KIF16B: variants seen among roughly 807,000 people sequenced by gnomAD.
KIF16B encodes the protein kinesin-like protein KIF16B.
A neutral mutation model predicts 156.3 loss-of-function variants in KIF16B; 98 were observed. The observed-to-expected ratio is 0.63, with a 90% CI of 0.53 to 0.74. The LOEUF (loss-of-function observed/expected upper bound fraction) is 0.74, where lower values mean the gene tolerates loss of function less well. Among genes scored for constraint, KIF16B ranks in the 30% least tolerant of loss-of-function variants. KIF16B has a pLI of 0.00. For synonymous variants in KIF16B, 564 were observed against 583.7 expected (o/e 0.97, Z 0.49); for missense variants, 1,421 against 1,606.5 (o/e 0.88, Z 1.97).
chr20:16,312,573 T>G (rs959953201), intron 24 of KIF16B, among the ~76,000 whole-genome samples, 155 bp from the exon 25 acceptor site: 1 of 152,202 alleles, frequency 6.6e-6, no homozygotes, highest in Non-Finnish European at 1.5e-5. Context: ...TCACCAACTG[T>G]GTGACCTTCA....
intron 1 of KIF16B, among the ~76,000 whole-genome samples, chr20:16,536,239 A>G (rs574947346): frequency 1.3e-5 from 2 of 152,332 alleles, no homozygotes; most frequent in South Asian, 4.1e-4. Flanking sequence ...AGCCAGGCAC[A>G]GAAAGGTAAG....
intron 12 of KIF16B, among the ~76,000 whole-genome samples, chr20:16,430,757 T>A (rs2066475410): frequency 1.3e-5 from 2 of 151,952 alleles, no homozygotes; most frequent in Non-Finnish European, 2.9e-5. Context: ...TAGATGCTGA[T>A]GACTCTCAAA....
At chr20:16,288,713 TTAGTAAACA>T in intron 25 of KIF16B, among the ~76,000 whole-genome samples, 1 of 151,414 alleles carries the variant, frequency 6.6e-6, no homozygotes. Flanking sequence ...GGTATGTACC[TTAGTAAACA>T]CAGTATGTAC....
chr20:16,452,931 G>C (rs1405356853), intron 12 of KIF16B, among the ~76,000 whole-genome samples: 3 of 151,940 alleles, frequency 2.0e-5, no homozygotes, highest in Admixed American at 1.3e-4. Flanking sequence ...TTTCAAAACA[G>C]TAAGTAAAGA....
In KIF16B at chr20:16,273,122, G is replaced by T; in HGVS notation, c.*131C>A. The T allele has an allele frequency of 1.3e-6, 1 of 758,096 alleles. No homozygotes were observed. The allele number at this position is 758,096 out of a possible 1,614,324, so 47.0% of individuals were successfully genotyped here. The stretch of plus-strand genomic sequence containing the variant: ...AGGTATGGAAACGTGAGGTGGCCCG[G>T]GCCCGCTGCTGCATGTCTGTCTTCA... On this transcript the variant is annotated 3_prime_UTR_variant, in exon 26 of 26. Coordinates refer to ENST00000354981, the MANE Select transcript of KIF16B (RefSeq NM_024704.5).
intron 23 of KIF16B, among the ~76,000 whole-genome samples, chr20:16,351,770 C>A (rs1423025572): frequency 6.6e-6 from 1 of 152,202 alleles, no homozygotes; most frequent in Non-Finnish European, 1.5e-5. Flanking sequence ...GGAATTGATA[C>A]TCTGACCCAG....
At chr20:16,466,485 C>T (rs1390155641) in intron 12 of KIF16B, among the ~76,000 whole-genome samples, 1 of 152,122 alleles carries the variant, frequency 6.6e-6, no homozygotes, top group Non-Finnish European at 1.5e-5. Context: ...TGGGTTTTTC[C>T]CATGCTGTTC....
intron 24 of KIF16B, among the ~76,000 whole-genome samples, chr20:16,332,876 T>A (rs531823867): frequency 6.6e-6 from 1 of 152,234 alleles, no homozygotes; most frequent in Non-Finnish European, 1.5e-5. Context: ...CTCTTGATAG[T>A]TCTAATTGGG....
chr20:16,378,678 G>T, intron 19 of KIF16B, 127 bp downstream of exon 19: 1 of 942,542 alleles, frequency 1.1e-6, no homozygotes, highest in Non-Finnish European at 1.6e-6. Context: ...ATTTGCCTAT[G>T]TATTAAAGAA....
At chr20:16,487,112 G>A (rs1486804070) in intron 12 of KIF16B, among the ~76,000 whole-genome samples, 1 of 152,036 alleles carries the variant, frequency 6.6e-6, no homozygotes, top group African/African-American at 2.4e-5. Context: ...AATTAGCTGG[G>A]CGTGGTGGTG....
In KIF16B at chr20:16,533,497, T is replaced by C. The variant is rs116547471; in HGVS notation, c.48-5057A>G. On this transcript the variant is annotated intron_variant, in intron 1 of 25. Coordinates refer to ENST00000354981, the MANE Select transcript of KIF16B (RefSeq NM_024704.5). ...TAGATGGGTCTTAGGTTTACCCTTA[T>C]GAAATAAACTACTTCTTACACTGGA... 5.9e-3 allele frequency among the ~76,000 whole-genome samples: 894 copies of C among 152,374 alleles called. 7 individuals carry two copies. The highest frequency in any genetic ancestry group is 0.021 in the African/African-American group (856 of 41,584).
chr20:16,283,747 G>T (rs2063181769), intron 25 of KIF16B, among the ~76,000 whole-genome samples: 1 of 152,148 alleles, frequency 6.6e-6, no homozygotes, highest in Non-Finnish European at 1.5e-5. Flanking sequence ...CCACAGTGCA[G>T]GTAGCCTCTG....
intron 17 of KIF16B, among the ~76,000 whole-genome samples, chr20:16,400,825 C>T (rs575553050): frequency 6.6e-6 from 1 of 152,224 alleles, no homozygotes; most frequent in South Asian, 2.1e-4. Context: ...AAGTTGTGTG[C>T]TGATTGTCAG....
At chr20:16,454,817 A>T (rs2067172381) in intron 12 of KIF16B, among the ~76,000 whole-genome samples, 1 of 152,192 alleles carries the variant, frequency 6.6e-6, no homozygotes, top group Admixed American at 6.5e-5. Context: ...GTATTTATGA[A>T]ATAAATATCT....
At chr20:16,429,720 C>T in intron 13 of KIF16B, 143 bp downstream of exon 13, 1 of 649,562 alleles carries the variant, frequency 1.5e-6, no homozygotes. Flanking sequence ...TCTGAAAATT[C>T]CCAAAGGGCT....
At chr20:16,497,539 A>C in intron 11 of KIF16B, 74 bp downstream of exon 11, 1 of 1,174,060 alleles carries the variant, frequency 8.5e-7, no homozygotes, top group Admixed American at 1.9e-5. Flanking sequence ...TCAAACGGCA[A>C]GTCCTAAAAA....
At chr20:16,332,818 G>A (rs1217069710) in intron 24 of KIF16B, among the ~76,000 whole-genome samples, 1 of 150,868 alleles carries the variant, frequency 6.6e-6, no homozygotes, top group East Asian at 1.9e-4. Context: ...TTAAGAGAAG[G>A]TTCATAATAT....
At chr20:16,549,110 T>C (rs867397165) in intron 1 of KIF16B, among the ~76,000 whole-genome samples, 26 of 150,974 alleles carry the variant, frequency 1.7e-4, no homozygotes, top group African/African-American at 5.4e-4. Context: ...TACATATGTA[T>C]ACATGTGCCA....
At chr20:16,513,192 A>T (rs2069016264) in intron 4 of KIF16B, among the ~76,000 whole-genome samples, 1 of 152,192 alleles carries the variant, frequency 6.6e-6, no homozygotes, top group Non-Finnish European at 1.5e-5. Context: ...AGGAAACTTA[A>T]TTTCTAACAT....
Sources: allele counts gnomAD v4.1 joint callset (sites outside exome capture counted in the v4.1 genomes callset), GRCh38; gene constraint gnomAD v4.1.1; transcripts MANE v1.5; gene names NCBI Gene and HGNC (gene_info 2026-07-23, HGNC 2026-07-21).